Variants in RDM1 observed in about 807,000 individuals in gnomAD.
The protein encoded by RDM1 is RAD52 motif-containing protein 1.
Under a neutral mutation model 27.7 loss-of-function variants are expected in RDM1, and 28 were observed. The observed-to-expected ratio is 1.01, with a 90% CI of 0.75 to 1.39. The LOEUF (loss-of-function observed/expected upper bound fraction) is 1.39, where lower values mean the gene tolerates loss of function less well. Among genes scored for constraint, RDM1 ranks in the 40% most tolerant of loss-of-function variants. RDM1 has a pLI of 0.00. For missense variants in RDM1, 277 were observed against 337.3 expected (o/e 0.82, Z 1.40); for synonymous variants, 124 against 127.5 (o/e 0.97, Z 0.19).
intron 6 of RDM1, among the ~76,000 whole-genome samples, chr17:35,919,622 T>C (rs2088868573): frequency 6.6e-6 from 1 of 152,250 alleles, no homozygotes; most frequent in Non-Finnish European, 1.5e-5. Context: ...TGTATAGGGA[T>C]AGCTCCATTA....
At chr17:35,919,666 T>C (rs143026514) in intron 6 of RDM1, among the ~76,000 whole-genome samples, 1 of 152,368 alleles carries the variant, frequency 6.6e-6, no homozygotes, top group East Asian at 1.9e-4. Flanking sequence ...ATATGTGGTC[T>C]ATTGTTGACC....
chr17:35,928,438 G>T (rs2089222341), intron 2 of RDM1, among the ~76,000 whole-genome samples: 2 of 152,160 alleles, frequency 1.3e-5, no homozygotes, highest in Non-Finnish European at 2.9e-5. Flanking sequence ...AGAAGACCTG[G>T]TCACACCCAC....
intron 2 of RDM1, among the ~76,000 whole-genome samples, chr17:35,928,874 G>A (rs1374494377): frequency 2.6e-5 from 4 of 151,994 alleles, no homozygotes; most frequent in South Asian, 2.1e-4. Context: ...TCAGGAATTC[G>A]AGACCAGACT....
chr17:35,919,068 T>C (rs1218656962), intron 6 of RDM1, among the ~76,000 whole-genome samples: 1 of 152,232 alleles, frequency 6.6e-6, no homozygotes, highest in Non-Finnish European at 1.5e-5. Context: ...GCTAGACTTC[T>C]TAAAGCTTGA....
At position 35,922,661 on chromosome 17, in the gene RDM1, G is replaced by T; in HGVS notation, c.583C>A (p.Leu195Ile). Residue 195 changes from leucine (L) to isoleucine (I), a missense_variant, in exon 5 of 7, where the codon CTT becomes ATT. By Grantham distance (5) the Leu-to-Ile change is conservative. Transcript: ENST00000620284. The part of the protein sequence containing the change: ...DKVEEGPLSF[L>I]MKRKTAQKLA... ...TTCTGGGCTGTCTTCCTTTTCATAAGGAATGATAATGGTCCTAAATCCAAC... is the reference window on the plus strand; with the variant it reads ...TTCTGGGCTGTCTTCCTTTTCATAATGAATGATAATGGTCCTAAATCCAAC... 6.2e-7 allele frequency: 1 copy of T among 1,606,450 alleles called. No homozygotes were observed. The highest frequency in any genetic ancestry group is 8.5e-7 in the Non-Finnish European group (1 of 1,178,390).
In RDM1 at chr17:35,925,649, G is replaced by C. The variant is rs376130257; in HGVS notation, c.277-12C>G. On this transcript the variant is annotated splice_polypyrimidine_tract_variant and intron_variant, in intron 2 of 6. Coordinates refer to ENST00000620284, the MANE Select transcript of RDM1 (RefSeq NM_145654.4). ...GTGCCAAGACGAACCTAAAATCATA[G>C]GAGATAGACCCATAAATATCACAAC... 163 of 1,610,598 alleles carry C rather than the reference G, an allele frequency of 1.0e-4. 2 individuals carry two copies. The South Asian group carries it at 1.2e-3, about 12-fold the overall frequency.
chr17:35,922,356 G>C, intron 5 of RDM1: 1 of 529,942 alleles, frequency 1.9e-6, no homozygotes, highest in Non-Finnish European at 3.2e-6. Flanking sequence ...ACTGAGGCAA[G>C]TCTTTTCACA....
intron 4 of RDM1, among the ~76,000 whole-genome samples, chr17:35,923,707 G>A (rs1208092878): frequency 2.6e-5 from 4 of 151,926 alleles, no homozygotes; most frequent in Admixed American, 2.0e-4. Flanking sequence ...TCCTCCCTGG[G>A]CATCACCCCC....
chr17:35,925,365 C>T, intron 3 of RDM1, 150 bp downstream of exon 3: 1 of 715,974 alleles, frequency 1.4e-6, no homozygotes, highest in South Asian at 2.7e-5. Context: ...TTCTAGGTAG[C>T]AGGCCAATTC....
intron 2 of RDM1, among the ~76,000 whole-genome samples, chr17:35,929,452 C>CT (rs1162994160): frequency 6.6e-6 from 1 of 151,744 alleles, no homozygotes; most frequent in African/African-American, 2.4e-5. Context: ...TTCTTTCTTT[C>CT]TTTTTTTGAG....
chr17:35,923,625 T>C (rs936427775), intron 4 of RDM1, among the ~76,000 whole-genome samples: 2 of 152,102 alleles, frequency 1.3e-5, no homozygotes, highest in Non-Finnish European at 1.5e-5. Context: ...ATCACGCCAG[T>C]GCACTTCAGC....
At chr17:35,923,130 A>G (rs943602768) in intron 4 of RDM1, among the ~76,000 whole-genome samples, 4 of 151,980 alleles carry the variant, frequency 2.6e-5, no homozygotes. Context: ...AATGTGGTGA[A>G]ACTTGAGGCC....
At chr17:35,918,587 G>A in intron 6 of RDM1, 144 bp from the exon 7 acceptor site, 1 of 700,618 alleles carries the variant, frequency 1.4e-6, no homozygotes, top group South Asian at 1.8e-5. Flanking sequence ...GGGCTGCCAG[G>A]GAATAAGTGA....
chr17:35,924,523 T>C, intron 4 of RDM1, 81 bp downstream of exon 4: 1 of 1,436,126 alleles, frequency 7.0e-7, no homozygotes, highest in Non-Finnish European at 9.4e-7. Context: ...TCTGAAAAGA[T>C]GAGTTTTGGA....
Position 35,925,651 on chromosome 17 carries a change from A to C in RDM1, c.277-14T>G, listed in dbSNP as rs761871079. 14 of 1,602,950 alleles carry C rather than the reference A, an allele frequency of 8.7e-6. No homozygotes were observed. The East Asian group carries it at 2.7e-4, about 31-fold the overall frequency. On this transcript the variant is annotated splice_polypyrimidine_tract_variant and intron_variant, in intron 2 of 6. Transcript: ENST00000620284. Reference sequence around the variant, plus strand: ...GCCAAGACGAACCTAAAATCATAGGAGATAGACCCATAAATATCACAACCG... The same window carrying C: ...GCCAAGACGAACCTAAAATCATAGGCGATAGACCCATAAATATCACAACCG...
At chr17:35,930,486 T>C in intron 1 of RDM1, 146 bp downstream of exon 1, 1 of 889,114 alleles carries the variant, frequency 1.1e-6, no homozygotes, top group Non-Finnish European at 1.7e-6. Context: ...TTGGGGGTCG[T>C]CAGTTGTCAG....
chr17:35,921,179 A>T (rs1335622138), intron 5 of RDM1, among the ~76,000 whole-genome samples: 1 of 152,244 alleles, frequency 6.6e-6, no homozygotes, highest in Non-Finnish European at 1.5e-5. Context: ...AGAAGTTTTC[A>T]GTGTGTGCAA....
chr17:35,929,931 A>G, intron 2 of RDM1, 145 bp downstream of exon 2: 1 of 796,012 alleles, frequency 1.3e-6, no homozygotes, highest in Non-Finnish European at 2.0e-6. Flanking sequence ...GAGTTTCTTC[A>G]TGTAAAAAAC....
chr17:35,920,229 G>A lies in RDM1; in HGVS notation c.711C>T (p.Ile237=), dbSNP rs761480550. Residue 237 remains isoleucine, a synonymous_variant, in exon 6 of 7, where the codon ATC becomes ATT. Transcript: ENST00000620284. ...IAVEYRPSED[I]VGVRCEEELH... ...GTTCTTCTTCGCATCTGACACCTAC[G>A]ATGTCTTCACTGGGTCTGTACTCCA... 6.9e-6 allele frequency: 11 copies of A among 1,603,844 alleles called. No individual in the cohort carries two copies. Among genetic ancestry groups the A allele is most frequent in the South Asian group, 4.4e-5 (4 of 90,068 alleles).
Sources: gnomAD v4.1 joint callset for allele counts (sites outside exome capture counted in the v4.1 genomes callset) on GRCh38, gnomAD v4.1.1 for gene constraint, MANE v1.5 for transcripts, NCBI Gene and HGNC (gene_info 2026-07-23, HGNC 2026-07-21) for gene names.